Variants in TBCD observed in about 807,000 individuals in gnomAD.
TBCD encodes tubulin-specific chaperone D.
In TBCD, 105 loss-of-function variants were observed where a neutral mutation model predicts 169.3. The observed-to-expected ratio is 0.62, with a 90% confidence interval of 0.53 to 0.73. TBCD has a LOEUF of 0.73. Ranked by LOEUF, TBCD falls within the 30% of genes least tolerant of loss-of-function variation. The probability of loss-of-function intolerance (pLI) is 0.00; values close to 1 mark genes in which losing one functional copy is unlikely to be tolerated. For missense variants in TBCD, 1,444 were observed against 1,600.1 expected (o/e 0.90, Z 1.66); for synonymous variants, 700 against 643.9 (o/e 1.09, Z -1.32).
At chr17:82,877,699 G>T (rs1295785663) in intron 14 of TBCD, among the ~76,000 whole-genome samples, 1 of 152,154 alleles carries the variant, frequency 6.6e-6, no homozygotes, top group African/African-American at 2.4e-5. Context: ...TCAGTTTAAT[G>T]ATTTCTAAGA....
At chr17:82,860,946 C>T (rs534479866) in intron 13 of TBCD, among the ~76,000 whole-genome samples, 3 of 152,316 alleles carry the variant, frequency 2.0e-5, no homozygotes, top group Non-Finnish European at 4.4e-5. Flanking sequence ...CACAGGGTGG[C>T]CAGGGACTTG....
intron 14 of TBCD, among the ~76,000 whole-genome samples, chr17:82,873,342 C>T (rs1053288806): frequency 3.3e-5 from 5 of 152,078 alleles, no homozygotes; most frequent in African/African-American, 7.2e-5. Context: ...GGGGGTGAGA[C>T]GAAACCTCCA....
At chr17:82,807,116 G>T (rs928096756) in intron 10 of TBCD, among the ~76,000 whole-genome samples, 1 of 152,218 alleles carries the variant, frequency 6.6e-6, no homozygotes, top group Non-Finnish European at 1.5e-5. Context: ...ACCCTTGCTG[G>T]GGCTTGCAGG....
At chr17:82,879,224 C>T (rs529746348) in intron 14 of TBCD, among the ~76,000 whole-genome samples, 147 of 151,972 alleles carry the variant, frequency 9.7e-4, no homozygotes, top group African/African-American at 3.2e-3. Flanking sequence ...GAATCCAGGA[C>T]GCCGGGCTTG....
Position 82,884,173 on chromosome 17 carries a change from C to A in TBCD, c.1504C>A (p.Arg502=), listed in dbSNP as rs752953575. ...ACTGGTGATTGCTGCGGTGTTTGAC[C>A]GAGACATAAACTGCAGAAGAGCAGC... ...SALVIAAVFD[R]DINCRRAASA... is the part of the protein sequence containing the mutation. The change falls in exon 15 of 39, where the codon CGA becomes AGA. Residue 502 remains arginine, a synonymous_variant. Coordinates refer to ENST00000355528, the MANE Select transcript of TBCD (RefSeq NM_005993.5). This position sits in a 1 kb window ranked among gnomAD's most constrained non-coding sequence, Gnocchi z 4.2. The A allele has an allele frequency of 1.9e-6, 3 of 1,610,564 alleles. No individual in the cohort carries two copies. The highest frequency in any genetic ancestry group is 1.7e-5 in the Admixed American group (1 of 59,586).
rs145307217 is a variant in TBCD at position 82,789,256 on chromosome 17, C to T, written c.771+7535C>T. On this transcript the variant is annotated intron_variant, in intron 7 of 38. Transcript: ENST00000355528. The surrounding 1 kb of genome is among the most constrained non-coding windows in gnomAD (Gnocchi z 4.8). Reference sequence around the variant, plus strand: ...CTAACACTCATTTCCCATCACTCAGCATTTTATGTGGGGCGGGCACAGTGC... The same window carrying T: ...CTAACACTCATTTCCCATCACTCAGTATTTTATGTGGGGCGGGCACAGTGC... 2.6e-5 allele frequency among the ~76,000 whole-genome samples: 4 copies of T among 152,350 alleles called. No homozygotes were observed. Among genetic ancestry groups the T allele is most frequent in the African/African-American group, 9.6e-5 (4 of 41,582 alleles).
chr17:82,857,758 T>A (rs1053633485), intron 13 of TBCD, among the ~76,000 whole-genome samples: 7 of 150,910 alleles, frequency 4.6e-5, no homozygotes, highest in Admixed American at 3.3e-4. Context: ...TTTTTTTTTT[T>A]TTTAATTTAA....
At chr17:82,847,978 G>A (rs562116014) in intron 13 of TBCD, among the ~76,000 whole-genome samples, 7 of 152,286 alleles carry the variant, frequency 4.6e-5, no homozygotes, top group Admixed American at 3.9e-4. Context: ...TTTTTCAGAC[G>A]AGTGGGAGTA....
chr17:82,801,658 T>C (rs1482879874), intron 9 of TBCD, among the ~76,000 whole-genome samples: 97 of 33,120 alleles, frequency 2.9e-3, no homozygotes, highest in Admixed American at 4.3e-3. Context: ...GCGTGTGCGT[T>C]GTGTGGGTCG....
chr17:82,782,178 A>G lies in TBCD; in HGVS notation c.771+457A>G, dbSNP rs1410122491. On this transcript the variant is annotated intron_variant, in intron 7 of 38. Coordinates refer to ENST00000355528, the MANE Select transcript of TBCD (RefSeq NM_005993.5). This position sits in a 1 kb window ranked among gnomAD's most constrained non-coding sequence, Gnocchi z 5.1. ...GGCCTCTGCCTGCAGGTGCCTGGTT[A>G]GTGCCCTGGCTGCAGCCCTTTGCCA... Among the ~76,000 whole-genome samples the G allele has an allele frequency of 1.3e-5, 2 of 152,210 alleles. No individual in the cohort carries two copies. The highest frequency in any genetic ancestry group is 4.8e-5 in the African/African-American group (2 of 41,448).
chr17:82,861,336 AGCCGCTGGTTCACG>A (rs2056745669), intron 13 of TBCD, among the ~76,000 whole-genome samples: 2 of 6,876 alleles, frequency 2.9e-4, no homozygotes, highest in Non-Finnish European at 6.4e-4. Flanking sequence ...ACCTCACGTC[AGCCGCTGGTTCACG>A]TCAGCCGCTG....
At chr17:82,919,782 G>A (rs868045681) in intron 23 of TBCD, among the ~76,000 whole-genome samples, 8 of 152,144 alleles carry the variant, frequency 5.3e-5, no homozygotes, top group African/African-American at 1.9e-4. Context: ...TATCTGTGAC[G>A]ATGGGAAGTG....
chr17:82,786,168 C>T (rs1019611151), intron 7 of TBCD, among the ~76,000 whole-genome samples: 2 of 152,164 alleles, frequency 1.3e-5, no homozygotes, highest in South Asian at 4.1e-4. Flanking sequence ...GCGATCCCAC[C>T]GTAGAACCTG....
intron 9 of TBCD, among the ~76,000 whole-genome samples, chr17:82,804,811 G>A (rs1268794263): frequency 6.6e-6 from 1 of 152,238 alleles, no homozygotes; most frequent in Non-Finnish European, 1.5e-5. Context: ...ACGCTAGGCG[G>A]TGGGGGTCGT....
In TBCD at chr17:82,810,820, G is replaced by A. The variant is rs74002517; in HGVS notation, c.1223+1038G>A. On this transcript the variant is annotated intron_variant, in intron 12 of 38. Transcript: ENST00000355528. ...CAGCACTTTGGAGGCTCCAGTTCGC[G>A]TTGCCTGTCAGTCACCAGGGACAGC... Among the ~76,000 whole-genome samples, 1,270 of 152,326 alleles carry A rather than the reference G, an allele frequency of 8.3e-3. 13 individuals carry two copies. Among genetic ancestry groups the A allele is most frequent in the African/African-American group, 0.028 (1,169 of 41,558 alleles).
At chr17:82,910,295 G>A (rs2060536378) in intron 22 of TBCD, among the ~76,000 whole-genome samples, 1 of 152,178 alleles carries the variant, frequency 6.6e-6, no homozygotes, top group Non-Finnish European at 1.5e-5. Flanking sequence ...TGGGCCCTCT[G>A]GGTGAGTAGA....
rs1049059880 is a variant in TBCD, at chr17:82,782,234, C to G, written c.771+513C>G. Among the ~76,000 whole-genome samples, 1 of 151,068 alleles carries G rather than the reference C, an allele frequency of 6.6e-6. No individual in the cohort carries two copies. Among genetic ancestry groups the G allele is most frequent in the Non-Finnish European group, 1.5e-5 (1 of 67,626 alleles). ...TTCCCTGCCCTTTCGCTCTGATTGT[C>G]TCTTGTGTTACCTTTTCTTGTGCTA... On this transcript the variant is annotated intron_variant, in intron 7 of 38. Coordinates refer to ENST00000355528, the MANE Select transcript of TBCD (RefSeq NM_005993.5). This position sits in a 1 kb window ranked among gnomAD's most constrained non-coding sequence, Gnocchi z 5.1.
At chr17:82,821,552 C>T (rs928326260) in intron 13 of TBCD, among the ~76,000 whole-genome samples, 1 of 152,206 alleles carries the variant, frequency 6.6e-6, no homozygotes, top group Admixed American at 6.5e-5. Flanking sequence ...TTTTCTCCTG[C>T]CTTCCCTCAA....
At chr17:82,928,097 C>A in intron 30 of TBCD, 109 bp downstream of exon 30, 2 of 944,566 alleles carry the variant, frequency 2.1e-6, no homozygotes, top group Non-Finnish European at 3.3e-6. Context: ...CTGCTGGGCA[C>A]ACACCCTCCT....
Sources: allele counts gnomAD v4.1 joint callset (sites outside exome capture counted in the v4.1 genomes callset), GRCh38; gene constraint gnomAD v4.1.1; non-coding constraint Gnocchi (gnomAD v3.1); transcripts MANE v1.5; gene names NCBI Gene and HGNC (gene_info 2026-07-23, HGNC 2026-07-21).